Variants in LRRC4C observed in about 807,000 individuals in gnomAD.
The protein encoded by LRRC4C is leucine-rich repeat-containing protein 4C.
Under a neutral mutation model 33.6 loss-of-function variants are expected in LRRC4C, and 5 were observed. The ratio of observed to expected loss-of-function variants is 0.15; its 90% confidence interval spans 0.08 to 0.31. The LOEUF is 0.31. Ranked by LOEUF, LRRC4C falls within the 10% of genes least tolerant of loss-of-function variation. The pLI is 1.00. For missense variants in LRRC4C, 560 were observed against 796.7 expected (o/e 0.70, Z 3.58); for synonymous variants, 329 against 302.0 (o/e 1.09, Z -0.93).
At chr11:40,833,844 A>T (rs1952534011) in intron 2 of LRRC4C, among the ~76,000 whole-genome samples, 1 of 152,184 alleles carries the variant, frequency 6.6e-6, no homozygotes. Context: ...ATTAATTTTA[A>T]AAAACTGAGA....
intron 3 of LRRC4C, among the ~76,000 whole-genome samples, chr11:40,517,030 T>C (rs6485202): frequency 0.065 from 9,828 of 152,178 alleles, 833 homozygotes; most frequent in African/African-American, 0.2. Context: ...GGTTATACAA[T>C]GGTCAGTTCC....
chr11:40,741,299 A>G (rs1420279189), intron 2 of LRRC4C, among the ~76,000 whole-genome samples: 1 of 152,058 alleles, frequency 6.6e-6, no homozygotes, highest in Non-Finnish European at 1.5e-5. Context: ...ATGCCACTCC[A>G]ACTGAATAAA....
chr11:40,221,598 T>A (rs924433369), intron 5 of LRRC4C, among the ~76,000 whole-genome samples: 11 of 151,956 alleles, frequency 7.2e-5, no homozygotes, highest in Non-Finnish European at 1.3e-4. Context: ...AATTTCTGCC[T>A]CCAAAGAAAG....
intron 5 of LRRC4C, among the ~76,000 whole-genome samples, chr11:40,234,047 C>T (rs721589): frequency 9.3e-4 from 141 of 152,222 alleles, no homozygotes; most frequent in Admixed American, 2.7e-3. Flanking sequence ...AAGGTACTTC[C>T]CCAAGGTCAT....
intron 1 of LRRC4C, among the ~76,000 whole-genome samples, chr11:41,326,311 G>C (rs1951116374): frequency 6.6e-6 from 1 of 152,050 alleles, no homozygotes; most frequent in Admixed American, 6.5e-5. Flanking sequence ...GGTTTGCCAG[G>C]GGCTCTCAGG....
intron 1 of LRRC4C, among the ~76,000 whole-genome samples, chr11:41,154,917 C>T (rs1000395952): frequency 2.0e-5 from 3 of 152,000 alleles, no homozygotes; most frequent in Admixed American, 6.6e-5. Flanking sequence ...TTTGTGGTTG[C>T]GCTACTGAGT....
At chr11:41,394,372 A>T (rs1953723366) in intron 1 of LRRC4C, among the ~76,000 whole-genome samples, 1 of 151,962 alleles carries the variant, frequency 6.6e-6, no homozygotes, top group South Asian at 2.1e-4. Context: ...ATTTGAAAGG[A>T]ATAGAGTATG....
At chr11:41,426,598 C>A (rs575419930) in intron 1 of LRRC4C, 1 of 152,158 alleles carries the variant, frequency 6.6e-6, no homozygotes, top group Non-Finnish European at 1.5e-5. Flanking sequence ...AGACTCACTG[C>A]CTATTTTCCT....
intron 1 of LRRC4C, among the ~76,000 whole-genome samples, chr11:41,451,566 T>C (rs188476001): frequency 2.0e-5 from 3 of 152,128 alleles, no homozygotes; most frequent in East Asian, 1.9e-4. Context: ...AGGAGAGTCA[T>C]GGCAGTGAGG....
At chr11:40,291,396 T>A (rs1944182541) in intron 4 of LRRC4C, among the ~76,000 whole-genome samples, 1 of 152,204 alleles carries the variant, frequency 6.6e-6, no homozygotes, top group Non-Finnish European at 1.5e-5. Context: ...GGACACTAGA[T>A]TTCTTTCTTT....
At chr11:40,463,665 T>C (rs1259742115) in intron 3 of LRRC4C, among the ~76,000 whole-genome samples, 3 of 152,110 alleles carry the variant, frequency 2.0e-5, no homozygotes, top group Admixed American at 2.0e-4. Context: ...CATTATGTAA[T>C]CTTAGAGCTA....
intron 2 of LRRC4C, among the ~76,000 whole-genome samples, chr11:40,801,368 C>A (rs1271171650): frequency 2.0e-5 from 3 of 152,108 alleles, no homozygotes; most frequent in African/African-American, 7.2e-5. Context: ...CTATATGAAA[C>A]CTTTTCTGAA....
chr11:40,634,051 C>T (rs1027066338), intron 3 of LRRC4C, among the ~76,000 whole-genome samples: 1 of 152,142 alleles, frequency 6.6e-6, no homozygotes, highest in African/African-American at 2.4e-5. Context: ...TGTAGTCACA[C>T]TTGGAAGATG....
chr11:41,283,724 A>G (rs1328352308), intron 1 of LRRC4C, among the ~76,000 whole-genome samples: 1 of 152,196 alleles, frequency 6.6e-6, no homozygotes, highest in Non-Finnish European at 1.5e-5. Context: ...TTTACCATCT[A>G]GCCCTTTACG....
intron 1 of LRRC4C, among the ~76,000 whole-genome samples, chr11:41,314,805 A>G (rs1455191968): frequency 3.3e-5 from 5 of 152,170 alleles, no homozygotes; most frequent in African/African-American, 1.2e-4. Context: ...AATAATAAAA[A>G]AAAAACTATA....
At chr11:40,223,571 A>G (rs1864569666) in intron 5 of LRRC4C, among the ~76,000 whole-genome samples, 1 of 152,198 alleles carries the variant, frequency 6.6e-6, no homozygotes, top group Non-Finnish European at 1.5e-5. Context: ...AGGCCTCCTT[A>G]AGAAGAGACC....
rs1352348534 is a variant in LRRC4C at position 40,116,190 on chromosome 11, G to A, written c.103C>T (p.Leu35Phe). The A allele has an allele frequency of 1.2e-6, 2 of 1,613,886 alleles. No individual in the cohort carries two copies. The highest frequency in any genetic ancestry group is 2.2e-5 in the East Asian group (1 of 44,856). The part of the protein sequence containing the change: ...PLLVVLLALQ[L>F]LVVAGLVRAQ... Reference sequence around the variant, plus strand: ...CGCACCAGACCAGCCACCACAAGAAGTTGAAGAGCCAGCAGCACCACAAGC... The same window carrying A: ...CGCACCAGACCAGCCACCACAAGAAATTGAAGAGCCAGCAGCACCACAAGC... Residue 35 changes from leucine to phenylalanine, a missense_variant, in exon 7 of 7, where the codon CTT becomes TTT. Around this residue, in one of 3 missense-constraint regions of LRRC4C, gnomAD observed 455 missense variants for 643.8 expected, o/e 0.71. Transcript: ENST00000528697.
chr11:40,316,676 A>G (rs1945590377), intron 4 of LRRC4C, among the ~76,000 whole-genome samples: 1 of 151,974 alleles, frequency 6.6e-6, no homozygotes, highest in African/African-American at 2.4e-5. Flanking sequence ...TGAATATCCA[A>G]ACATTCTATA....
At chr11:41,134,817 T>A (rs1252911305) in intron 1 of LRRC4C, among the ~76,000 whole-genome samples, 2 of 152,086 alleles carry the variant, frequency 1.3e-5, no homozygotes, top group African/African-American at 4.8e-5. Context: ...CATCAACATA[T>A]CATTTAGGGT....
Sources: allele counts gnomAD v4.1 joint callset (sites outside exome capture counted in the v4.1 genomes callset), GRCh38; gene constraint gnomAD v4.1.1; regional missense constraint gnomAD v4.1.1; transcripts MANE v1.5; gene names NCBI Gene and HGNC (gene_info 2026-07-23, HGNC 2026-07-21).